The following RERG variants were observed in gnomAD, a reference collection of about 807,000 sequenced individuals.
The protein encoded by RERG is ras-related and estrogen-regulated growth inhibitor.
RERG carries 25 observed loss-of-function variants against 23.2 expected under a neutral mutation model. The observed-to-expected ratio is 1.08, with a 90% CI of 0.79 to 1.50. RERG has a LOEUF of 1.50. Among genes scored for constraint, RERG ranks in the 40% most tolerant of loss-of-function variants. The probability of loss-of-function intolerance (pLI) is 0.00; values close to 1 mark genes in which losing one functional copy is unlikely to be tolerated. For missense variants in RERG, 253 were observed against 250.1 expected (o/e 1.01, Z -0.08); for synonymous variants, 81 against 89.1 (o/e 0.91, Z 0.51).
At chr12:15,157,412 G>A (rs1021809201) in intron 2 of RERG, among the ~76,000 whole-genome samples, 5 of 152,198 alleles carry the variant, frequency 3.3e-5, no homozygotes, top group Non-Finnish European at 7.3e-5. Flanking sequence ...GAACCAGCAA[G>A]TAATTTTTCA....
At chr12:15,165,341 C>CTT (rs113939772) in intron 2 of RERG, among the ~76,000 whole-genome samples, 50 of 149,654 alleles carry the variant, frequency 3.3e-4, no homozygotes, top group African/African-American at 1.2e-3. Context: ...TCTGCCAAGA[C>CTT]TTTTTTTTTT....
intron 2 of RERG, among the ~76,000 whole-genome samples, chr12:15,188,070 T>C (rs1012881428): frequency 6.6e-6 from 1 of 152,160 alleles, no homozygotes; most frequent in Non-Finnish European, 1.5e-5. Flanking sequence ...GAAATACTTG[T>C]ATCTTAAGGA....
chr12:15,200,976 T>C (rs894251803), intron 2 of RERG, among the ~76,000 whole-genome samples: 1 of 151,904 alleles, frequency 6.6e-6, no homozygotes, highest in African/African-American at 2.4e-5. Context: ...CTTCACATAC[T>C]GCTGGGCCCT....
rs576950853 is a variant in RERG, at chr12:15,140,692, A to AT, written c.62-19574dup. Among the ~76,000 whole-genome samples, 90 of 151,302 alleles carry AT rather than the reference A, an allele frequency of 5.9e-4. 1 individual carries two copies. In the South Asian group the frequency reaches 0.016, roughly 27 times the overall value. ...TTCACTGGATACATAATTCTAGGTA[A>AT]TTTTTTTTTCTTTCAGAACTTAAAA... On this transcript the variant is annotated intron_variant, in intron 2 of 4. Coordinates refer to ENST00000256953, the MANE Select transcript of RERG (RefSeq NM_032918.3).
At chr12:15,217,389 C>CA in intron 2 of RERG, 40 bp downstream of exon 2, 2 of 1,274,342 alleles carry the variant, frequency 1.6e-6, no homozygotes, top group Non-Finnish European at 2.3e-6. Context: ...ACACACTCAC[C>CA]CACACACACA....
At chr12:15,125,923 G>T (rs968029445) in intron 2 of RERG, among the ~76,000 whole-genome samples, 19 of 151,400 alleles carry the variant, frequency 1.3e-4, no homozygotes, top group African/African-American at 3.9e-4. Context: ...TGAATACAAT[G>T]TATGTATATT....
intron 4 of RERG, 99 bp from the exon 5 acceptor site, chr12:15,109,616 T>C (rs1387683305): frequency 5.5e-6 from 5 of 912,738 alleles, no homozygotes; most frequent in Non-Finnish European, 8.2e-6. Context: ...CTATTCTTTA[T>C]ATCCAAAGTC....
chr12:15,136,094 G>A (rs943794231), intron 2 of RERG, among the ~76,000 whole-genome samples: 3 of 151,958 alleles, frequency 2.0e-5, no homozygotes, highest in African/African-American at 4.8e-5. Flanking sequence ...GCCTGTTCTC[G>A]TTGTCTATTT....
intron 2 of RERG, among the ~76,000 whole-genome samples, chr12:15,148,789 T>C (rs1045696946): frequency 1.3e-5 from 2 of 149,176 alleles, no homozygotes; most frequent in African/African-American, 4.9e-5. Context: ...GGTCTGTACA[T>C]GAACATCAAT....
intron 2 of RERG, among the ~76,000 whole-genome samples, chr12:15,149,062 G>C (rs1327522322): frequency 6.6e-6 from 1 of 151,196 alleles, no homozygotes; most frequent in Non-Finnish European, 1.5e-5. Flanking sequence ...GTAGAGACGG[G>C]GTTTCACTGT....
At chr12:15,173,804 G>T (rs143853211) in intron 2 of RERG, among the ~76,000 whole-genome samples, 1,544 of 151,838 alleles carry the variant, frequency 0.01, 27 homozygotes, top group African/African-American at 0.035. Context: ...ATATAATAGA[G>T]TTTTGTAAAT....
intron 2 of RERG, among the ~76,000 whole-genome samples, chr12:15,149,336 T>C (rs1864398492): frequency 6.6e-6 from 1 of 152,150 alleles, no homozygotes; most frequent in Non-Finnish European, 1.5e-5. Context: ...ACTTAATTCT[T>C]AACATATTTT....
chr12:15,184,947 G>A (rs987299799), intron 2 of RERG, among the ~76,000 whole-genome samples: 13 of 152,052 alleles, frequency 8.5e-5, no homozygotes, highest in African/African-American at 1.7e-4. Context: ...ACATTCCAAT[G>A]GAAAGTGACA....
intron 2 of RERG, among the ~76,000 whole-genome samples, chr12:15,161,210 GAAA>G (rs1864608155): frequency 7.1e-6 from 1 of 141,224 alleles, no homozygotes; most frequent in Non-Finnish European, 1.6e-5. Flanking sequence ...AAGAAAGAAA[GAAA>G]GAAAGAAAGA....
chr12:15,203,892 C>T (rs1865250308), intron 2 of RERG, among the ~76,000 whole-genome samples: 1 of 151,472 alleles, frequency 6.6e-6, no homozygotes, highest in African/African-American at 2.4e-5. Flanking sequence ...AAATTGAGAA[C>T]TATAATACAT....
At chr12:15,211,282 T>TAC (rs1293170339) in intron 2 of RERG, among the ~76,000 whole-genome samples, 2 of 113,042 alleles carry the variant, frequency 1.8e-5, no homozygotes, top group South Asian at 3.4e-4. Flanking sequence ...AATGTCATTT[T>TAC]ATACACACAC....
intron 2 of RERG, among the ~76,000 whole-genome samples, chr12:15,160,217 AC>A (rs1415529201): frequency 6.6e-6 from 1 of 151,852 alleles, no homozygotes; most frequent in East Asian, 1.9e-4. Context: ...TTGATATTGT[AC>A]TGAAAACAGT....
intron 2 of RERG, among the ~76,000 whole-genome samples, chr12:15,202,601 C>T (rs1480296218): frequency 6.6e-6 from 1 of 151,736 alleles, no homozygotes; most frequent in African/African-American, 2.4e-5. Flanking sequence ...CCAGGCCCAT[C>T]CATGTTGTTG....
At chr12:15,140,692 A>T (rs896540858) in intron 2 of RERG, among the ~76,000 whole-genome samples, 1 of 151,184 alleles carries the variant, frequency 6.6e-6, no homozygotes, top group African/African-American at 2.4e-5. Context: ...ATTCTAGGTA[A>T]TTTTTTTTTC....
Sources: gnomAD v4.1 joint callset for allele counts (sites outside exome capture counted in the v4.1 genomes callset) on GRCh38, gnomAD v4.1.1 for gene constraint, MANE v1.5 for transcripts, NCBI Gene and HGNC (gene_info 2026-07-23, HGNC 2026-07-21) for gene names.